ROBO2: variants seen among roughly 807,000 people sequenced by gnomAD.
ROBO2 encodes roundabout guidance receptor 2.
ROBO2 carries 53 observed loss-of-function variants against 160.8 expected under a neutral mutation model. The observed-to-expected ratio is 0.33, with a 90% CI of 0.26 to 0.41. The LOEUF is 0.41. Ranked by LOEUF, ROBO2 falls within the 10% of genes least tolerant of loss-of-function variation. The pLI is 1.00. For missense variants in ROBO2, 1,577 were observed against 1,722.4 expected, an observed-to-expected ratio of 0.92 and a Z score of 1.49; for synonymous variants, 664 against 611.7, an observed-to-expected ratio of 1.09 and a Z score of -1.26.
At chr3:76,386,339 C>T (rs9682446) in intron 2 of ROBO2, among the ~76,000 whole-genome samples, 2 of 120,452 alleles carry the variant, frequency 1.7e-5, no homozygotes, top group South Asian at 3.0e-4. Flanking sequence ...CCCTCCCTCC[C>T]TCCCTCCCTC....
At chr3:76,516,330 A>G (rs535264894) in intron 2 of ROBO2, among the ~76,000 whole-genome samples, 1 of 152,270 alleles carries the variant, frequency 6.6e-6, no homozygotes, top group South Asian at 2.1e-4. Context: ...CATACCAAGA[A>G]TGAATCTACA....
In ROBO2 at chr3:76,286,380, T is replaced by G. The variant is rs571325187; in HGVS notation, c.109+348778T>G. Among the ~76,000 whole-genome samples, 9 of 152,292 alleles carry G rather than the reference T, an allele frequency of 5.9e-5. No individual in the cohort carries two copies. In the South Asian group the frequency reaches 1.9e-3, roughly 32 times the overall value. On this transcript the variant is annotated intron_variant, in intron 2 of 26. Transcript: ENST00000487694. ...TAGTGGGGGTCTAGTGCAAAACTCT[T>G]GTGGGAAACTGATACAGTGGTGTAA...
intron 2 of ROBO2, among the ~76,000 whole-genome samples, chr3:76,786,739 G>GTTTCATGAGC (rs1374796775): frequency 2.0e-5 from 3 of 151,144 alleles, no homozygotes; most frequent in Non-Finnish European, 3.0e-5. Context: ...AAAGATGTAG[G>GTTTCATGAGC]TTTCATGAGC....
exon 2 of ROBO2, chr3:77,098,026 G>T: frequency 6.4e-7 from 1 of 1,569,464 alleles, no homozygotes; most frequent in Non-Finnish European, 8.7e-7. Flanking sequence ...TCGCGTCTTC[G>T]CCAGGAGGAC....
At chr3:77,188,429 C>T (rs569644126) in intron 2 of ROBO2, among the ~76,000 whole-genome samples, 41 of 151,836 alleles carry the variant, frequency 2.7e-4, no homozygotes, top group African/African-American at 9.6e-4. Flanking sequence ...ATTCTGACAC[C>T]TGCTTCTCAT....
chr3:77,118,194 A>G (rs978798043), intron 2 of ROBO2, among the ~76,000 whole-genome samples: 4 of 152,176 alleles, frequency 2.6e-5, no homozygotes, highest in African/African-American at 9.7e-5. Context: ...GTAGTTGACT[A>G]TGGCATTTAA....
chr3:76,454,692 T>C (rs1347564982), intron 2 of ROBO2, among the ~76,000 whole-genome samples: 3 of 152,178 alleles, frequency 2.0e-5, no homozygotes, highest in African/African-American at 7.2e-5. Flanking sequence ...TTTAGCCCGG[T>C]GCCTGGCACA....
At chr3:76,533,526 C>T (rs75533476) in intron 2 of ROBO2, among the ~76,000 whole-genome samples, 18 of 152,042 alleles carry the variant, frequency 1.2e-4, no homozygotes, top group African/African-American at 1.4e-4. Context: ...CTATATCATC[C>T]GGGCATAAGC....
intron 2 of ROBO2, chr3:76,434,754 G>A (rs2076590874): frequency 1.6e-5 from 19 of 1,173,340 alleles, no homozygotes; most frequent in Admixed American, 5.0e-5. Flanking sequence ...AGATGAGTCC[G>A]CTTCCTGCTC....
At position 77,062,325 on chromosome 3, in the gene ROBO2, G is replaced by C. The variant is rs1010195827; in HGVS notation, c.61+21479G>C. Among the ~76,000 whole-genome samples the C allele has an allele frequency of 7.2e-5, 11 of 152,094 alleles. 1 individual carries two copies. The highest frequency in any genetic ancestry group is 2.6e-4 in the Admixed American group (4 of 15,264). ...GGTGTTTAAACCCAATTCAGTTTCTGTCTAACCCAGTCAGGCACCTAAAGG... is the reference window on the plus strand; with the variant it reads ...GGTGTTTAAACCCAATTCAGTTTCTCTCTAACCCAGTCAGGCACCTAAAGG... On this transcript the variant is annotated intron_variant, in intron 1 of 25. Transcript: ENST00000461745.
chr3:76,422,955 G>A (rs1349769419), intron 2 of ROBO2, among the ~76,000 whole-genome samples: 1 of 152,118 alleles, frequency 6.6e-6, no homozygotes, highest in Non-Finnish European at 1.5e-5. Context: ...ATGATGAAAA[G>A]GGGAGGATAA....
At chr3:76,267,271 AT>A (rs1325417242) in intron 2 of ROBO2, among the ~76,000 whole-genome samples, 1 of 151,654 alleles carries the variant, frequency 6.6e-6, no homozygotes, top group Non-Finnish European at 1.5e-5. Flanking sequence ...AAATAGATTT[AT>A]TTTTTTAAGA....
rs1482579639 is a variant in ROBO2, at chr3:77,330,394, G to A, written c.389-147020G>A. Among the ~76,000 whole-genome samples, 7 of 152,228 alleles carry A rather than the reference G, an allele frequency of 4.6e-5. 1 individual carries two copies. Among genetic ancestry groups the A allele is most frequent in the South Asian group, 4.1e-4 (2 of 4,826 alleles). On this transcript the variant is annotated intron_variant, in intron 2 of 25. Transcript: ENST00000461745. ...TTAGTCTGGTGTGGTGGCACATGCC[G>A]GTAATCTTAGCTACTCAGGAGGCTG...
chr3:76,521,163 C>T (rs922456516), intron 2 of ROBO2, among the ~76,000 whole-genome samples: 1 of 151,726 alleles, frequency 6.6e-6, no homozygotes, highest in African/African-American at 2.4e-5. Flanking sequence ...ATTCTCCCAC[C>T]TCAGCCTACC....
chr3:76,895,158 T>C (rs2074670167), intron 2 of ROBO2, among the ~76,000 whole-genome samples: 1 of 152,086 alleles, frequency 6.6e-6, no homozygotes, highest in Non-Finnish European at 1.5e-5. Context: ...TACATTCTCT[T>C]GTTGAAGTAT....
chr3:77,424,403 T>C (rs901560275), intron 2 of ROBO2, among the ~76,000 whole-genome samples: 1 of 152,290 alleles, frequency 6.6e-6, no homozygotes, highest in African/African-American at 2.4e-5. Context: ...AAGTATATGC[T>C]TTTACCCAGG....
At chr3:76,557,387 C>T (rs774163042) in intron 2 of ROBO2, among the ~76,000 whole-genome samples, 2 of 151,838 alleles carry the variant, frequency 1.3e-5, no homozygotes, top group Non-Finnish European at 2.9e-5. Flanking sequence ...TAAATATTAT[C>T]TCTGCAGAGC....
chr3:77,507,308 G>T (rs574165865), intron 5 of ROBO2, among the ~76,000 whole-genome samples: 218 of 152,272 alleles, frequency 1.4e-3, no homozygotes, highest in African/African-American at 5.0e-3. Flanking sequence ...CTCTGATAAT[G>T]TAGTCACTTC....
At chr3:77,123,666 A>G (rs192177716) in intron 2 of ROBO2, among the ~76,000 whole-genome samples, 54 of 151,056 alleles carry the variant, frequency 3.6e-4, no homozygotes, top group Non-Finnish European at 6.6e-4. Flanking sequence ...AAACGTAGGT[A>G]AGGGTAGAGG....
Sources: gnomAD v4.1 joint callset for allele counts (sites outside exome capture counted in the v4.1 genomes callset) on GRCh38, gnomAD v4.1.1 for gene constraint, MANE v1.5 for transcripts, NCBI Gene and HGNC (gene_info 2026-07-23, HGNC 2026-07-21) for gene names.